PLAC1: variants seen among roughly 807,000 people sequenced by gnomAD.
The protein encoded by PLAC1 is placenta-specific protein 1.
For missense variants in PLAC1, 136 were observed against 163.2 expected (o/e 0.83, Z 0.91); for synonymous variants, 68 against 62.1 (o/e 1.09, Z -0.44).
chrX:134,601,473 T>C (rs750237552), intron 2 of PLAC1: 72 of 112,163 alleles, frequency 6.4e-4, no homozygotes, highest in African/African-American at 2.2e-3. Context: ...CTATTAGTGT[T>C]TGAGAATGCC....
chrX:134,673,286 A>AAGAAGGAAGGAAGGAGGGAG (rs1455535706), intron 2 of PLAC1, among the ~76,000 whole-genome samples: 1 of 100,004 alleles, frequency 1.0e-5, no homozygotes, highest in Non-Finnish European at 2.0e-5. Flanking sequence ...GGAGGAAGGG[A>AAGAAGGAAGGAAGGAGGGAG]AGAAGGAAGG....
intron 1 of PLAC1, among the ~76,000 whole-genome samples, chrX:134,609,090 A>G (rs774760703): frequency 2.7e-5 from 3 of 110,637 alleles, no homozygotes; most frequent in African/African-American, 9.9e-5. Context: ...CTCCTTCCTC[A>G]GCCTCTCAAA....
chrX:134,600,444 G>A (rs2078083212), intron 2 of PLAC1, among the ~76,000 whole-genome samples: 1 of 112,118 alleles, frequency 8.9e-6, no homozygotes, highest in African/African-American at 3.2e-5. Context: ...TGGGATTACA[G>A]GCATGAGCCA....
chrX:134,706,063 T>C (rs1047012680), intron 2 of PLAC1, among the ~76,000 whole-genome samples: 7 of 111,760 alleles, frequency 6.3e-5, no homozygotes, highest in Admixed American at 9.5e-5. Flanking sequence ...AACCCAGTAA[T>C]ACCAACAAGC....
intron 2 of PLAC1, among the ~76,000 whole-genome samples, chrX:134,573,563 C>T (rs768702487): frequency 1.5e-3 from 173 of 111,618 alleles, no homozygotes; most frequent in Middle Eastern, 4.6e-3. Context: ...GATGTTCCTT[C>T]AAGGGCTTCA....
rs762238183 is a variant in PLAC1 at position 134,566,333 on chromosome X, G to A, written c.350C>T (p.Ala117Val). Residue 117 changes from alanine to valine, a missense_variant, in exon 3 of 3, where the codon GCC (alanine) becomes GTC (valine). Physicochemically the swap from Ala to Val is moderately conservative, Grantham distance 64. Coordinates refer to ENST00000359237, the MANE Select transcript of PLAC1 (RefSeq NM_021796.4). ...SKFVIPVSCA[A>V]PQKSPWLTKP... ...GGTGAGCCATGGGGACTTTTGGGGG[G>A]CAGCACATGACACTGGGATCACAAA... 3.3e-6 allele frequency: 4 copies of A among 1,211,811 alleles called. No individual in the cohort carries two copies. The highest frequency in any genetic ancestry group is 3.5e-5 in the South Asian group (2 of 57,012).
At chrX:134,690,033 C>T (rs1409282066) in intron 2 of PLAC1, among the ~76,000 whole-genome samples, 1 of 111,188 alleles carries the variant, frequency 9.0e-6, no homozygotes, top group Non-Finnish European at 1.9e-5. Flanking sequence ...TTTCTCCCTC[C>T]CTGCAGCCCC....
intron 2 of PLAC1, among the ~76,000 whole-genome samples, chrX:134,693,693 G>C: frequency 9.0e-6 from 1 of 111,477 alleles, no homozygotes. Context: ...GAGAGAGAGA[G>C]AGAGACAGAG....
chrX:134,740,180 G>A (rs2078713410), intron 1 of PLAC1, among the ~76,000 whole-genome samples: 1 of 110,067 alleles, frequency 9.1e-6, no homozygotes, highest in African/African-American at 3.3e-5. Flanking sequence ...AGCCGGGCGT[G>A]GTGGTGCATG....
intron 2 of PLAC1, among the ~76,000 whole-genome samples, chrX:134,581,850 C>T: frequency 9.0e-6 from 1 of 110,944 alleles, no homozygotes; most frequent in African/African-American, 3.3e-5. Flanking sequence ...AAGAGCTGAA[C>T]AACTGTGGCA....
chrX:134,595,611 ATG>A (rs1170803336), intron 2 of PLAC1, among the ~76,000 whole-genome samples: 1 of 92,988 alleles, frequency 1.1e-5, no homozygotes, highest in Non-Finnish European at 2.1e-5. Context: ...TATATATATA[ATG>A]TGTGTATATA....
chrX:134,744,113 C>T (rs757108835), intron 1 of PLAC1, among the ~76,000 whole-genome samples: 1 of 110,568 alleles, frequency 9.0e-6, no homozygotes, highest in Non-Finnish European at 1.9e-5. Context: ...GCGAAAGCCC[C>T]ATCTCTACTA....
intron 1 of PLAC1, among the ~76,000 whole-genome samples, chrX:134,736,582 C>T (rs1237354667): frequency 9.0e-6 from 1 of 111,647 alleles, no homozygotes; most frequent in East Asian, 2.8e-4. Context: ...TCTCTGAACC[C>T]GACAGCTGGT....
chrX:134,581,817 C>T (rs183572295), intron 2 of PLAC1, among the ~76,000 whole-genome samples: 5 of 110,578 alleles, frequency 4.5e-5, no homozygotes, highest in South Asian at 4.0e-4. Context: ...CTATATTGTT[C>T]GAGCTATGAA....
intron 2 of PLAC1, among the ~76,000 whole-genome samples, chrX:134,696,602 A>G (rs1215052134): frequency 9.0e-6 from 1 of 111,662 alleles, no homozygotes; most frequent in Non-Finnish European, 1.9e-5. Flanking sequence ...TAACTCCTGT[A>G]TCAATACACA....
chrX:134,704,854 G>A (rs1355604996), intron 2 of PLAC1, among the ~76,000 whole-genome samples: 2 of 102,103 alleles, frequency 2.0e-5, no homozygotes, highest in Non-Finnish European at 3.9e-5. Context: ...TTAGCCAGAC[G>A]TGGTGGCGTG....
At chrX:134,747,658 G>A (rs142103099) in intron 1 of PLAC1, among the ~76,000 whole-genome samples, 93 of 111,482 alleles carry the variant, frequency 8.3e-4, no homozygotes, top group African/African-American at 2.4e-3. Context: ...GCTGTGTGGT[G>A]GTCCTGTGAG....
At chrX:134,571,181 C>T (rs889527597) in intron 2 of PLAC1, among the ~76,000 whole-genome samples, 1 of 112,110 alleles carries the variant, frequency 8.9e-6, no homozygotes, top group African/African-American at 3.2e-5. Context: ...TTAACTCCCC[C>T]ATCGTTAAAT....
intron 1 of PLAC1, among the ~76,000 whole-genome samples, chrX:134,619,687 A>G: frequency 9.0e-6 from 1 of 110,837 alleles, no homozygotes; most frequent in Non-Finnish European, 1.9e-5. Context: ...GAAAAAGAAA[A>G]CCTAATTCTG....
Sources: allele counts gnomAD v4.1 joint callset (sites outside exome capture counted in the v4.1 genomes callset), GRCh38; gene constraint gnomAD v4.1.1; transcripts MANE v1.5; gene names NCBI Gene and HGNC (gene_info 2026-07-23, HGNC 2026-07-21).